CCT7: variants seen among roughly 807,000 people sequenced by gnomAD.
The protein encoded by CCT7 is T-complex protein 1 subunit eta.
In CCT7, 16 loss-of-function variants were observed where a neutral mutation model predicts 56.6. That is an observed-to-expected ratio of 0.28 (90% confidence interval 0.19 to 0.43). The LOEUF (loss-of-function observed/expected upper bound fraction) is 0.43. Among genes scored for constraint, CCT7 ranks in the 20% least tolerant of loss-of-function variants. The pLI, the probability that CCT7 is intolerant of heterozygous loss-of-function variation, is 1.00. For synonymous variants in CCT7, 262 were observed against 254.8 expected, an observed-to-expected ratio of 1.03 and a Z score of -0.27; for missense variants, 519 against 685.6, an observed-to-expected ratio of 0.76 and a Z score of 2.71.
chr2:73,239,618 A>T, intron 1 of CCT7, 25 bp from the exon 2 acceptor site: 3 of 1,608,740 alleles, frequency 1.9e-6, no homozygotes, highest in Non-Finnish European at 2.6e-6. Flanking sequence ...GATTATTAAA[A>T]GCAGTTAATT....
chr2:73,245,178 C>A (rs143314634), intron 6 of CCT7, among the ~76,000 whole-genome samples: 75 of 152,306 alleles, frequency 4.9e-4, no homozygotes, highest in African/African-American at 1.7e-3. Context: ...CTACCCCTGC[C>A]CCATATACAG....
At chr2:73,244,465 T>TA in intron 5 of CCT7, 79 bp from the exon 6 acceptor site, 1 of 1,267,772 alleles carries the variant, frequency 7.9e-7, no homozygotes, top group Non-Finnish European at 1.1e-6. Context: ...GGAAGGGAAC[T>TA]ACCTCCACAC....
intron 3 of CCT7, among the ~76,000 whole-genome samples, chr2:73,241,459 A>G (rs891947029): frequency 4.6e-5 from 7 of 152,080 alleles, no homozygotes; most frequent in Non-Finnish European, 1.0e-4. Context: ...GAAGTTAAAA[A>G]TAAATTTCTG....
chr2:73,247,627 T>G (rs952901865), intron 6 of CCT7, 135 bp from the exon 7 acceptor site: 1 of 633,014 alleles, frequency 1.6e-6, no homozygotes, highest in Non-Finnish European at 2.7e-6. Flanking sequence ...ACAGAAAGGC[T>G]GTGTTACAGC....
chr2:73,243,408 C>T (rs949170812), intron 4 of CCT7, among the ~76,000 whole-genome samples: 6 of 152,150 alleles, frequency 3.9e-5, no homozygotes, highest in African/African-American at 1.4e-4. Flanking sequence ...ACTACTACTA[C>T]ATGCTATACT....
At chr2:73,252,144 T>G (rs1400401312) in intron 11 of CCT7, among the ~76,000 whole-genome samples, 4 of 152,014 alleles carry the variant, frequency 2.6e-5, no homozygotes, top group African/African-American at 9.7e-5. Context: ...TAGAGGTTTG[T>G]TAAGTGCTTA....
chr2:73,252,796 C>T lies in CCT7; in HGVS notation c.1567C>T (p.Pro523Ser), dbSNP rs763040968. 3 of 1,614,134 alleles carry T rather than the reference C, an allele frequency of 1.9e-6. No homozygotes were observed. The highest frequency in any genetic ancestry group is 1.3e-5 in the African/African-American group (1 of 75,030). The part of the protein sequence containing the change: ...IVSVDETIKN[P>S]RSTVDAPTAA... ...GTCTGTAGATGAAACCATCAAGAAC[C>T]CCCGCTCGACTGTGGATGCTCCCAC... is the stretch of plus-strand genomic sequence containing the variant. Residue 523 changes from proline (P) to serine (S), a missense_variant, in exon 12 of 12, where the codon CCC becomes TCC. This residue lies in a region of CCT7 where 237 missense variants were observed against 300.8 expected (regional missense o/e 0.79). Coordinates refer to ENST00000258091, the MANE Select transcript of CCT7 (RefSeq NM_006429.4).
At chr2:73,247,651 C>A in intron 6 of CCT7, 111 bp from the exon 7 acceptor site, 3 of 788,474 alleles carry the variant, frequency 3.8e-6, no homozygotes, top group Non-Finnish European at 6.0e-6. Flanking sequence ...GAAATAAAGA[C>A]ATGATTAGCT....
intron 9 of CCT7, among the ~76,000 whole-genome samples, 189 bp downstream of exon 9, chr2:73,250,105 G>C (rs1687508300): frequency 6.6e-6 from 1 of 152,214 alleles, no homozygotes; most frequent in Non-Finnish European, 1.5e-5. Flanking sequence ...AGATCTAAAA[G>C]CCTTGACTCC....
At chr2:73,246,538 G>T (rs1415906290) in intron 6 of CCT7, among the ~76,000 whole-genome samples, 1 of 152,120 alleles carries the variant, frequency 6.6e-6, no homozygotes, top group Admixed American at 6.5e-5. Flanking sequence ...TATTTGCAGG[G>T]TGAAGTTTCC....
intron 2 of CCT7, 134 bp from the exon 3 acceptor site, chr2:73,240,303 G>A (rs1297111661): frequency 9.5e-6 from 5 of 528,440 alleles, no homozygotes; most frequent in Non-Finnish European, 1.7e-5. Context: ...AGAAAGATCA[G>A]ATAGGTATCC....
intron 6 of CCT7, among the ~76,000 whole-genome samples, chr2:73,247,310 A>G (rs140452583): frequency 6.6e-6 from 1 of 152,168 alleles, no homozygotes; most frequent in Non-Finnish European, 1.5e-5. Flanking sequence ...TTATGGGTAC[A>G]TGGAGGTGTA....
intron 10 of CCT7, 96 bp from the exon 11 acceptor site, chr2:73,251,130 C>A: frequency 8.9e-7 from 1 of 1,119,598 alleles, no homozygotes; most frequent in Non-Finnish European, 1.3e-6. Context: ...GAATGAAGAA[C>A]CACTCTTTCT....
intron 3 of CCT7, among the ~76,000 whole-genome samples, chr2:73,241,199 G>A (rs1687096956): frequency 6.6e-6 from 1 of 152,050 alleles, no homozygotes; most frequent in African/African-American, 2.4e-5. Context: ...GTATTTTAGA[G>A]TACTGCAAAA....
intron 8 of CCT7, among the ~76,000 whole-genome samples, chr2:73,249,404 G>A (rs1256835322): frequency 6.6e-6 from 1 of 152,146 alleles, no homozygotes; most frequent in East Asian, 1.9e-4. Flanking sequence ...TGGTTTGTGA[G>A]AGAACCTAGC....
intron 6 of CCT7, among the ~76,000 whole-genome samples, chr2:73,247,172 T>C (rs1318761009): frequency 6.6e-6 from 1 of 152,136 alleles, no homozygotes; most frequent in Admixed American, 6.5e-5. Flanking sequence ...GCTGCAGTGA[T>C]AGCTTAGAAA....
At chr2:73,249,303 ACT>A (rs1208949111) in intron 8 of CCT7, 124 bp downstream of exon 8, 7 of 687,696 alleles carry the variant, frequency 1.0e-5, no homozygotes, top group African/African-American at 1.8e-5. Context: ...TTTTTTTTTA[ACT>A]CTTTTTTTTC....
chr2:73,238,323 TG>T (rs1233324009), intron 1 of CCT7, among the ~76,000 whole-genome samples: 3 of 152,260 alleles, frequency 2.0e-5, no homozygotes, highest in Non-Finnish European at 1.5e-5. Context: ...ATCTGGTTCC[TG>T]CCTGCCTCTT....
At chr2:73,250,011 C>G (rs986476681) in intron 9 of CCT7, 95 bp downstream of exon 9, 1 of 899,822 alleles carries the variant, frequency 1.1e-6, no homozygotes, top group African/African-American at 1.6e-5. Flanking sequence ...AAAGTCTCAC[C>G]TTTGTGTACA....
Sources: gnomAD v4.1 joint callset for allele counts (sites outside exome capture counted in the v4.1 genomes callset) on GRCh38, gnomAD v4.1.1 for gene constraint, gnomAD v4.1.1 regional missense constraint, MANE v1.5 for transcripts, NCBI Gene and HGNC (gene_info 2026-07-23, HGNC 2026-07-21) for gene names.